Variants in DAB1 observed in about 807,000 individuals in gnomAD.
DAB1 encodes DAB adaptor protein 1.
Under a neutral mutation model 64.6 loss-of-function variants are expected in DAB1, and 15 were observed. That is an observed-to-expected ratio of 0.23 (90% CI 0.16 to 0.36). The LOEUF (loss-of-function observed/expected upper bound fraction) is 0.36. DAB1 is among the 10% of genes least tolerant of loss of function. The pLI, the probability that DAB1 is intolerant of heterozygous loss-of-function variation, is 1.00. For synonymous variants in DAB1, 235 were observed against 251.9 expected (o/e 0.93, Z 0.64); for missense variants, 596 against 706.7 (o/e 0.84, Z 1.78).
At chr1:57,112,784 C>A (rs547769270) in intron 4 of DAB1, among the ~76,000 whole-genome samples, 1 of 151,942 alleles carries the variant, frequency 6.6e-6, no homozygotes, top group African/African-American at 2.4e-5. Context: ...AGATAATTGG[C>A]AAATGCTAAT....
intron 8 of DAB1, among the ~76,000 whole-genome samples, chr1:57,067,186 T>C (rs1651000357): frequency 6.6e-6 from 1 of 152,122 alleles, no homozygotes. Flanking sequence ...TTCCCTTAAA[T>C]GGTAGCTTCC....
At chr1:57,118,798 C>T (rs541853369) in intron 4 of DAB1, among the ~76,000 whole-genome samples, 2 of 152,162 alleles carry the variant, frequency 1.3e-5, no homozygotes. Flanking sequence ...TTAATCTTCT[C>T]AATACACCTG....
chr1:57,347,284 T>C (rs968571863), intron 1 of DAB1, among the ~76,000 whole-genome samples: 1 of 152,192 alleles, frequency 6.6e-6, no homozygotes, highest in African/African-American at 2.4e-5. Flanking sequence ...TTCCTCACTT[T>C]ATGCAGTAAG....
intron 1 of DAB1, among the ~76,000 whole-genome samples, chr1:57,842,716 A>G (rs1015964115): frequency 8.5e-5 from 13 of 152,228 alleles, no homozygotes; most frequent in Admixed American, 1.3e-4. Flanking sequence ...ACTCACTGTC[A>G]TAAGAACAGC....
At chr1:58,105,970 C>G (rs1005496458) in intron 5 of DAB1, among the ~76,000 whole-genome samples, 2 of 152,140 alleles carry the variant, frequency 1.3e-5, no homozygotes, top group African/African-American at 2.4e-5. Flanking sequence ...AGAAATGGCT[C>G]ACGTTAAATC....
intron 1 of DAB1, among the ~76,000 whole-genome samples, chr1:57,384,744 G>A (rs1447158550): frequency 6.6e-6 from 1 of 152,118 alleles, no homozygotes; most frequent in Non-Finnish European, 1.5e-5. Flanking sequence ...GGGAAAAATG[G>A]GGAGTTATTG....
intron 9 of DAB1, among the ~76,000 whole-genome samples, chr1:57,034,009 C>T (rs1350767291): frequency 2.6e-5 from 4 of 152,234 alleles, no homozygotes; most frequent in Middle Eastern, 3.4e-3. Context: ...CGGCCGGGCG[C>T]GGTGGCTCAC....
At chr1:58,150,193 A>G (rs980374686) in intron 5 of DAB1, among the ~76,000 whole-genome samples, 1 of 152,204 alleles carries the variant, frequency 6.6e-6, no homozygotes, top group Non-Finnish European at 1.5e-5. Flanking sequence ...GAAGTTGCAG[A>G]GCCAAGATTT....
At chr1:57,038,139 A>G (rs1001804928) in intron 9 of DAB1, among the ~76,000 whole-genome samples, 1 of 152,226 alleles carries the variant, frequency 6.6e-6, no homozygotes, top group Non-Finnish European at 1.5e-5. Flanking sequence ...AATACTAGAC[A>G]TAGTCCTTCC....
At chr1:57,595,632 C>T (rs913549309) in intron 7 of DAB1, among the ~76,000 whole-genome samples, 3 of 151,924 alleles carry the variant, frequency 2.0e-5, no homozygotes, top group African/African-American at 4.8e-5. Flanking sequence ...GTGTTCCCCC[C>T]CCACCCCCCA....
At chr1:57,824,792 C>T (rs991057424), downstream of DAB1, among the ~76,000 whole-genome samples, 1 of 152,176 alleles carries the variant, frequency 6.6e-6, no homozygotes, top group Non-Finnish European at 1.5e-5. Context: ...TCTGCTTTGT[C>T]GAGCTTCAGA....
chr1:57,501,578 A>G (rs1644290208), intron 7 of DAB1, among the ~76,000 whole-genome samples: 1 of 152,258 alleles, frequency 6.6e-6, no homozygotes, highest in Non-Finnish European at 1.5e-5. Context: ...GAACAATAGT[A>G]GAATGGTAAA....
chr1:58,196,921 C>A (rs1657707374), intron 4 of DAB1, among the ~76,000 whole-genome samples: 1 of 152,216 alleles, frequency 6.6e-6, no homozygotes, highest in African/African-American at 2.4e-5. Flanking sequence ...CCTGTGCACA[C>A]AGCTAAACTA....
At chr1:58,313,821 G>A (rs993570762) in intron 4 of DAB1, among the ~76,000 whole-genome samples, 1 of 111,620 alleles carries the variant, frequency 9.0e-6, no homozygotes, top group South Asian at 2.8e-4. Flanking sequence ...GTATCTTCAT[G>A]TGTGTGTGTG....
intron 1 of DAB1, among the ~76,000 whole-genome samples, chr1:57,319,799 A>G (rs185478810): frequency 0.032 from 4,635 of 142,794 alleles, 123 homozygotes; most frequent in Non-Finnish European, 0.045. Flanking sequence ...TCCTTCTGGG[A>G]AAAAAAAAAA....
At chr1:57,870,060 C>G (rs1039567906) in intron 1 of DAB1, among the ~76,000 whole-genome samples, 1 of 152,116 alleles carries the variant, frequency 6.6e-6, no homozygotes, top group Non-Finnish European at 1.5e-5. Context: ...TGGAAAAATA[C>G]TTACCCTCTC....
chr1:58,306,010 C>T (rs1662300646), intron 4 of DAB1, among the ~76,000 whole-genome samples: 1 of 148,994 alleles, frequency 6.7e-6, no homozygotes, highest in African/African-American at 2.5e-5. Flanking sequence ...ACATTATAGT[C>T]CTCCTCCTAT....
At chr1:57,324,350 T>C (rs542320445) in intron 1 of DAB1, among the ~76,000 whole-genome samples, 2 of 152,332 alleles carry the variant, frequency 1.3e-5, no homozygotes, top group African/African-American at 2.4e-5. Flanking sequence ...CCTGCTAGGC[T>C]TTCTCCTATG....
chr1:57,862,668 C>T (rs534958386), intron 1 of DAB1: 5 of 152,176 alleles, frequency 3.3e-5, no homozygotes, highest in South Asian at 4.1e-4. Context: ...ATAAAGATGA[C>T]GAATACATTC....
Sources: gnomAD v4.1 joint callset for allele counts (sites outside exome capture counted in the v4.1 genomes callset) on GRCh38, gnomAD v4.1.1 for gene constraint, MANE v1.5 for transcripts, NCBI Gene and HGNC (gene_info 2026-07-23, HGNC 2026-07-21) for gene names.